Variants in AOAH observed in about 807,000 individuals in gnomAD.
AOAH encodes acyloxyacyl hydrolase.
In AOAH, 64 loss-of-function variants were observed where a neutral mutation model predicts 92.2. The observed-to-expected ratio is 0.69, with a 90% confidence interval of 0.57 to 0.86. The LOEUF (loss-of-function observed/expected upper bound fraction) is 0.86, where lower values mean the gene tolerates loss of function less well. Ranked by LOEUF, AOAH falls within the 40% of genes least tolerant of loss-of-function variation. The probability of loss-of-function intolerance (pLI) is 0.00; values close to 1 mark genes in which losing one functional copy is unlikely to be tolerated. For synonymous variants in AOAH, 263 were observed against 254.5 expected (o/e 1.03, Z -0.32); for missense variants, 656 against 694.6 (o/e 0.94, Z 0.62).
intron 12 of AOAH, among the ~76,000 whole-genome samples, chr7:36,593,365 T>TA (rs1789886765): frequency 6.6e-6 from 1 of 152,242 alleles, no homozygotes; most frequent in South Asian, 2.1e-4. Context: ...AATTGCTTGT[T>TA]AAAATGATTA....
intron 12 of AOAH, among the ~76,000 whole-genome samples, chr7:36,587,070 G>A (rs1025360335): frequency 8.6e-5 from 13 of 151,780 alleles, no homozygotes; most frequent in Non-Finnish European, 1.9e-4. Flanking sequence ...TCAGGAGTTC[G>A]CGACCAGCCT....
At chr7:36,640,491 CG>C (rs1554302372) in intron 4 of AOAH, among the ~76,000 whole-genome samples, 2 of 152,124 alleles carry the variant, frequency 1.3e-5, no homozygotes, top group Non-Finnish European at 2.9e-5. Flanking sequence ...CCCTTGAGGC[CG>C]GGGCAACAGG....
rs749375045 is a variant in AOAH at position 36,616,414 on chromosome 7, G to C, written c.812C>G (p.Ser271Cys). 1.4e-5 allele frequency: 23 copies of C among 1,613,994 alleles called. No homozygotes were observed. Among genetic ancestry groups the C allele is most frequent in the East Asian group, 6.7e-5 (3 of 44,894 alleles). ...GDSAGAHFHI[S>C]PEWITASQMS... ...CTGCGACGCTGTGATCCATTCAGGA[G>C]AGATGTGAAAATGAGCCCCAGCTGA... Residue 271 changes from serine to cysteine, a missense_variant, in exon 11 of 21, where the codon TCT (serine) becomes TGT (cysteine). Ser to Cys is a moderately radical substitution (Grantham distance 112). Transcript: ENST00000617537.
At chr7:36,549,086 G>T (rs76121481) in intron 14 of AOAH, among the ~76,000 whole-genome samples, 2 of 152,254 alleles carry the variant, frequency 1.3e-5, no homozygotes, top group Middle Eastern at 3.4e-3. Flanking sequence ...AAAGGCAAAG[G>T]CTTCTTGAGG....
chr7:36,603,493 T>C (rs1790753522), intron 11 of AOAH, among the ~76,000 whole-genome samples: 1 of 152,192 alleles, frequency 6.6e-6, no homozygotes, highest in Non-Finnish European at 1.5e-5. Flanking sequence ...CATGGTAGCT[T>C]GTGCATGCCT....
At chr7:36,690,970 A>G (rs1419453903) in intron 1 of AOAH, among the ~76,000 whole-genome samples, 1 of 152,170 alleles carries the variant, frequency 6.6e-6, no homozygotes, top group Non-Finnish European at 1.5e-5. Flanking sequence ...AATACAGCCA[A>G]CTGCAGAGAG....
chr7:36,688,619 T>A (rs1797185893), intron 1 of AOAH, among the ~76,000 whole-genome samples: 1 of 152,160 alleles, frequency 6.6e-6, no homozygotes, highest in Admixed American at 6.5e-5. Flanking sequence ...ACCAGCCACT[T>A]ACAAATGGTG....
At chr7:36,693,258 ATATC>A (rs1029814381) in intron 1 of AOAH, among the ~76,000 whole-genome samples, 1 of 152,356 alleles carries the variant, frequency 6.6e-6, no homozygotes, top group African/African-American at 2.4e-5. Flanking sequence ...TTATTAATGG[ATATC>A]TATCTAGTTA....
intron 3 of AOAH, among the ~76,000 whole-genome samples, chr7:36,667,086 G>A (rs2116596438): frequency 6.6e-6 from 1 of 152,300 alleles, no homozygotes; most frequent in South Asian, 2.1e-4. Context: ...TTGATTGATA[G>A]TGTTGTTGAG....
intron 1 of AOAH, among the ~76,000 whole-genome samples, chr7:36,718,559 T>TCCA (rs1799398079): frequency 6.6e-6 from 1 of 152,162 alleles, no homozygotes; most frequent in Non-Finnish European, 1.5e-5. Context: ...AACTCAAATG[T>TCCA]TCATCAACAA....
chr7:36,676,489 T>G (rs1346134407), intron 2 of AOAH, among the ~76,000 whole-genome samples: 1 of 152,206 alleles, frequency 6.6e-6, no homozygotes, highest in Non-Finnish European at 1.5e-5. Context: ...CATTCCATAT[T>G]CATGAATTGG....
At chr7:36,657,695 C>T (rs946804456) in intron 4 of AOAH, among the ~76,000 whole-genome samples, 2 of 152,140 alleles carry the variant, frequency 1.3e-5, no homozygotes, top group Admixed American at 6.5e-5. Flanking sequence ...TAGAAGGTGG[C>T]GGTTCCCACA....
At chr7:36,573,153 G>A (rs1355450591) in intron 13 of AOAH, among the ~76,000 whole-genome samples, 2 of 152,188 alleles carry the variant, frequency 1.3e-5, no homozygotes, top group African/African-American at 4.8e-5. Context: ...AGGAGAGGAA[G>A]GGCTCTGCTC....
chr7:36,624,470 C>T (rs921776573), intron 6 of AOAH, among the ~76,000 whole-genome samples: 1 of 152,184 alleles, frequency 6.6e-6, no homozygotes, highest in Non-Finnish European at 1.5e-5. Context: ...AGCTTACAGG[C>T]CTCTTTGGTC....
At chr7:36,663,679 T>G (rs546618359) in intron 3 of AOAH, among the ~76,000 whole-genome samples, 44 of 152,336 alleles carry the variant, frequency 2.9e-4, no homozygotes, top group Middle Eastern at 3.4e-3. Flanking sequence ...CAATATTTCA[T>G]TGCGTGGCTG....
intron 4 of AOAH, among the ~76,000 whole-genome samples, chr7:36,638,715 G>C (rs1360782969): frequency 6.6e-6 from 1 of 152,134 alleles, no homozygotes; most frequent in Admixed American, 6.5e-5. Context: ...CCTGCTACCT[G>C]TACAGCCCTG....
chr7:36,602,443 GTT>G (rs535476519), intron 11 of AOAH, among the ~76,000 whole-genome samples: 10 of 127,110 alleles, frequency 7.9e-5, no homozygotes, highest in African/African-American at 2.0e-4. Flanking sequence ...TCCTTCCATT[GTT>G]TTTTTTTTTT....
intron 1 of AOAH, among the ~76,000 whole-genome samples, chr7:36,720,416 C>T (rs541434189): frequency 6.6e-6 from 1 of 152,162 alleles, no homozygotes; most frequent in African/African-American, 2.4e-5. Flanking sequence ...CGTGATCTGC[C>T]CACCTCAGCA....
At chr7:36,599,579 T>C (rs1790394871) in intron 11 of AOAH, among the ~76,000 whole-genome samples, 1 of 152,226 alleles carries the variant, frequency 6.6e-6, no homozygotes, top group Admixed American at 6.5e-5. Flanking sequence ...AAAAATGTCA[T>C]CACCAGTTAA....
Sources: allele counts gnomAD v4.1 joint callset (sites outside exome capture counted in the v4.1 genomes callset), GRCh38; gene constraint gnomAD v4.1.1; transcripts MANE v1.5; gene names NCBI Gene and HGNC (gene_info 2026-07-23, HGNC 2026-07-21).